FGF13: variants seen among roughly 807,000 people sequenced by gnomAD.
The protein encoded by FGF13 is fibroblast growth factor homologous factor 2.
FGF13 carries 2 observed loss-of-function variants against 19.5 expected under a neutral mutation model. The ratio of observed to expected loss-of-function variants is 0.10; its 90% CI spans 0.04 to 0.32. FGF13 has a LOEUF of 0.32. Ranked by LOEUF, FGF13 falls within the 10% of genes least tolerant of loss-of-function variation. FGF13 has a pLI of 1.00. For missense variants in FGF13, 113 were observed against 192.7 expected (o/e 0.59, Z 2.45); for synonymous variants, 72 against 76.9 (o/e 0.94, Z 0.33).
intron 1 of FGF13, among the ~76,000 whole-genome samples, chrX:138,987,158 G>A (rs943953365): frequency 8.9e-6 from 1 of 112,475 alleles, no homozygotes; most frequent in African/African-American, 3.2e-5. Flanking sequence ...TTTCTCTGAA[G>A]TATAGCACAA....
chrX:138,955,372 T>C (rs1348366093), intron 1 of FGF13, among the ~76,000 whole-genome samples: 2 of 112,366 alleles, frequency 1.8e-5, no homozygotes, highest in Non-Finnish European at 3.8e-5. Flanking sequence ...GAATACAACA[T>C]TCAGAATACA....
intron 1 of FGF13, among the ~76,000 whole-genome samples, chrX:139,064,463 C>T (rs1220684291): frequency 5.1e-5 from 4 of 79,108 alleles, no homozygotes; most frequent in East Asian, 6.8e-4. Flanking sequence ...CCACCGCGCC[C>T]GGCTAATTTT....
chrX:139,098,518 T>C (rs1441538171), intron 1 of FGF13, among the ~76,000 whole-genome samples: 2 of 111,661 alleles, frequency 1.8e-5, no homozygotes, highest in Non-Finnish European at 3.8e-5. Context: ...ATGTATATAT[T>C]GGTACATATA....
chrX:138,859,291 T>G (rs958249454), intron 2 of FGF13, among the ~76,000 whole-genome samples: 4 of 111,825 alleles, frequency 3.6e-5, no homozygotes, highest in Admixed American at 1.9e-4. Flanking sequence ...TGAAGACAAA[T>G]TCTAGTTTTA....
intron 1 of FGF13, among the ~76,000 whole-genome samples, chrX:138,998,876 A>C (rs1569439092): frequency 8.9e-6 from 1 of 111,896 alleles, no homozygotes; most frequent in African/African-American, 3.3e-5. Flanking sequence ...AATCAACAGA[A>C]TATACATTCT....
chrX:138,690,352 G>T (rs1258646040), intron 3 of FGF13, among the ~76,000 whole-genome samples: 1 of 111,053 alleles, frequency 9.0e-6, no homozygotes, highest in Non-Finnish European at 1.9e-5. Flanking sequence ...CTATGGGTCA[G>T]CATTGTTTCT....
rs895418146 is a variant in FGF13, at chrX:138,993,439, A to G, written c.-112-128789T>C. ...ATTATTTCAAAATAAAAAGTTAAAA[A>G]TGTCCCTTTTTGCAATCCAACCTAT... On this transcript the variant is annotated intron_variant, in intron 1 of 2. Transcript: ENST00000421460. Among the ~76,000 whole-genome samples the G allele has an allele frequency of 3.6e-5, 4 of 112,135 alleles. No homozygotes were observed. In the East Asian group the frequency reaches 1.1e-3, roughly 31 times the overall value.
chrX:138,772,018 GTATA>G (rs56411673), intron 3 of FGF13, among the ~76,000 whole-genome samples: 9,027 of 55,923 alleles, frequency 0.16, 570 homozygotes, highest in Non-Finnish European at 0.19. Context: ...ATACATATGT[GTATA>G]TATATATATA....
In FGF13 at chrX:138,724,415, G is replaced by A. The variant is rs148924758; in HGVS notation, c.28+14827C>T. 7.0e-3 allele frequency among the ~76,000 whole-genome samples: 782 copies of A among 111,166 alleles called. 5 individuals carry two copies. The highest frequency in any genetic ancestry group is 0.023 in the African/African-American group (715 of 30,661). ...AAGCCCTCACACAAAGACTACCAGA[G>A]AAACCTGCTGATCATACAAAGCTGG... On this transcript the variant is annotated intron_variant, in intron 1 of 4. Transcript: ENST00000305414.
intron 3 of FGF13, chrX:138,806,382 T>A (rs1305752766): frequency 9.0e-6 from 1 of 111,329 alleles, no homozygotes; most frequent in Non-Finnish European, 1.9e-5. Context: ...CCATGGACAC[T>A]ATCAATAAGA....
chrX:138,711,054 G>T lies in FGF13; in HGVS notation c.-51C>A, dbSNP rs764605264. The stretch of plus-strand genomic sequence containing the variant: ...TCTTTTGCTGCCCCTCTCTGGGTTC[G>T]CCTCCTCCTCCTTCTCCTCCGCTGC... On this transcript the variant is annotated 5_prime_UTR_variant, in exon 1 of 5. Transcript: ENST00000315930. 1 of 1,196,248 alleles carries T rather than the reference G, an allele frequency of 8.4e-7. No individual in the cohort carries two copies. The highest frequency in any genetic ancestry group is 1.1e-6 in the Non-Finnish European group (1 of 889,585).
At chrX:138,949,316 C>G (rs1324335255) in intron 1 of FGF13, among the ~76,000 whole-genome samples, 2 of 111,525 alleles carry the variant, frequency 1.8e-5, no homozygotes, top group East Asian at 5.7e-4. Context: ...GGCCATTCTT[C>G]CTCTGAAGGC....
chrX:139,092,823 C>G (rs1224971943), intron 1 of FGF13, among the ~76,000 whole-genome samples: 2 of 111,569 alleles, frequency 1.8e-5, no homozygotes, highest in Non-Finnish European at 3.8e-5. Flanking sequence ...TCTGCACTAT[C>G]CTCCCACCAT....
chrX:138,922,941 A>G (rs985207258), intron 1 of FGF13, among the ~76,000 whole-genome samples: 1 of 112,179 alleles, frequency 8.9e-6, no homozygotes, highest in Non-Finnish European at 1.9e-5. Context: ...TTGAAATGAG[A>G]TGAATTAAAT....
chrX:138,953,101 T>A (rs1244019766), intron 1 of FGF13, among the ~76,000 whole-genome samples: 2 of 111,344 alleles, frequency 1.8e-5, no homozygotes, highest in African/African-American at 3.3e-5. Context: ...GGATTATAAA[T>A]CATGCTGCTA....
intron 1 of FGF13, among the ~76,000 whole-genome samples, chrX:138,896,974 G>A (rs755035228): frequency 5.4e-5 from 6 of 111,805 alleles, no homozygotes; most frequent in African/African-American, 6.5e-5. Flanking sequence ...AACACGGGAC[G>A]TGTAGCATGT....
At chrX:138,800,256 T>C (rs1257125798) in intron 3 of FGF13, among the ~76,000 whole-genome samples, 2 of 112,112 alleles carry the variant, frequency 1.8e-5, no homozygotes, top group Admixed American at 9.5e-5. Context: ...GGAGCTCCTG[T>C]AAGGCAAGCC....
intron 1 of FGF13, among the ~76,000 whole-genome samples, chrX:139,169,222 A>G (rs1281230392): frequency 8.9e-6 from 1 of 111,903 alleles, no homozygotes; most frequent in Non-Finnish European, 1.9e-5. Context: ...CTCCCCATTT[A>G]TCTCTTGCTC....
rs1569436382 is a variant in FGF13 at position 138,984,842 on chromosome X, T to TGTGTGTG, written c.-112-120193_-112-120192insCACACAC. ...TGTGTGTGTGTGTGTGTGTGTGTGT[T>TGTGTGTG]TTAATTTTTGTATTTTTTAAGAGCA... On this transcript the variant is annotated intron_variant, in intron 1 of 2. Transcript: ENST00000421460. Among the ~76,000 whole-genome samples, 120 of 27,843 alleles carry TGTGTGTG rather than the reference T, an allele frequency of 4.3e-3. 2 individuals are homozygous for TGTGTGTG. The highest frequency in any genetic ancestry group is 0.036 in the East Asian group (34 of 938). 24.2% of individuals were successfully genotyped at this position (27,843 alleles called of 115,157 possible).
Sources: allele counts gnomAD v4.1 joint callset (sites outside exome capture counted in the v4.1 genomes callset), GRCh38; gene constraint gnomAD v4.1.1; transcripts MANE v1.5; gene names NCBI Gene and HGNC (gene_info 2026-07-23, HGNC 2026-07-21).